AGBL5: variants seen among roughly 807,000 people sequenced by gnomAD.
The protein encoded by AGBL5 is cytosolic carboxypeptidase-like protein 5.
In AGBL5, 51 loss-of-function variants were observed where a neutral mutation model predicts 88.0. The observed-to-expected ratio is 0.58, with a 90% CI of 0.46 to 0.73. AGBL5 has a LOEUF of 0.73. Ranked by LOEUF, AGBL5 falls within the 30% of genes least tolerant of loss-of-function variation. The pLI is 0.00. For synonymous variants in AGBL5, 446 were observed against 438.8 expected (o/e 1.02, Z -0.21); for missense variants, 1,031 against 1,162.2 (o/e 0.89, Z 1.64).
intron 11 of AGBL5, 21 bp from the exon 12 acceptor site, chr2:27,067,473 G>A (rs1416413370): frequency 1.2e-6 from 2 of 1,611,074 alleles, no homozygotes; most frequent in South Asian, 1.1e-5. Context: ...CCTTTTATCT[G>A]CTTGTATCTC....
intron 9 of AGBL5, among the ~76,000 whole-genome samples, chr2:27,058,012 G>A (rs1668524722): frequency 6.6e-6 from 1 of 151,124 alleles, no homozygotes; most frequent in Non-Finnish European, 1.5e-5. Flanking sequence ...GGAGGCAGAG[G>A]TTGCAGTCAG....
intron 5 of AGBL5, 63 bp downstream of exon 5, chr2:27,054,870 G>C (rs1029525773): frequency 6.4e-7 from 1 of 1,561,712 alleles, no homozygotes; most frequent in African/African-American, 1.4e-5. Context: ...ACTGTTTATA[G>C]CTAAAGACTA....
intron 11 of AGBL5, among the ~76,000 whole-genome samples, chr2:27,066,563 C>A (rs1174542295): frequency 6.6e-6 from 1 of 152,076 alleles, no homozygotes; most frequent in Non-Finnish European, 1.5e-5. Context: ...ATTTAAGGGG[C>A]AGGAAGAACA....
upstream of AGBL5, among the ~76,000 whole-genome samples, chr2:27,050,787 G>C (rs900538714): frequency 1.2e-4 from 19 of 152,226 alleles, no homozygotes; most frequent in African/African-American, 4.1e-4. Flanking sequence ...CGGAGCCTTC[G>C]ATAGCTCAGT....
chr2:27,053,270 A>G lies in AGBL5; in HGVS notation c.215+97A>G. On this transcript the variant is annotated intron_variant, in intron 2 of 14. Transcript: ENST00000360131. The surrounding 1 kb of genome is among the most constrained non-coding windows in gnomAD (Gnocchi z 4.9). ...TTCATACCCAGCATACTCCCTGTCC[A>G]TTTCTGACCCATCGTCCCTCCTTTC... 6.6e-7 allele frequency: 1 copy of G among 1,520,254 alleles called. No homozygotes were observed. The highest frequency in any genetic ancestry group is 2.3e-5 in the East Asian group (1 of 44,094). 94.2% of individuals were successfully genotyped at this position (1,520,254 alleles called of 1,614,324 possible).
chr2:27,067,898 G>C, intron 12 of AGBL5: 1 of 543,976 alleles, frequency 1.8e-6, no homozygotes, highest in South Asian at 2.0e-5. Flanking sequence ...TTTATCAGTT[G>C]AGGAACCTGA....
At chr2:27,057,592 A>G (rs7560144) in intron 9 of AGBL5, among the ~76,000 whole-genome samples, 154 bp downstream of exon 9, 81,952 of 152,100 alleles carry the variant, frequency 0.54, 23,386 homozygotes, top group East Asian at 0.77. Flanking sequence ...ACAGGAGCAT[A>G]ACTACAACTG....
rs1669055103 is a variant in AGBL5 at position 27,067,582 on chromosome 2, TTCTGGCCCAGC to T, written c.2179_2189del (p.Ser727LeufsTer12). Reference sequence around the variant, plus strand: ...TCGCTCCATCCCCAGCTCCTACTAGTTCTGGCCCAGCCTCCTCACACAAGCTGGGCTCCTGT... The same window carrying T: ...TCGCTCCATCCCCAGCTCCTACTAGTCTCCTCACACAAGCTGGGCTCCTGT... On this transcript the variant is annotated frameshift_variant, in exon 12 of 15. Coordinates refer to ENST00000360131, the MANE Select transcript of AGBL5 (RefSeq NM_021831.6). LOFTEE classifies it high-confidence loss of function. 1.2e-6 allele frequency: 2 copies of T among 1,613,926 alleles called. No individual in the cohort carries two copies. The highest frequency in any genetic ancestry group is 2.7e-5 in the African/African-American group (2 of 74,906).
intron 13 of AGBL5, 68 bp from the exon 14 acceptor site, chr2:27,069,505 A>G: frequency 7.6e-6 from 12 of 1,583,132 alleles, no homozygotes; most frequent in Non-Finnish European, 1.0e-5. Context: ...TGGAAACTCT[A>G]GAAGCAAACT....
intron 14 of AGBL5, 160 bp from the exon 15 acceptor site, chr2:27,069,932 C>T (rs1044951416): frequency 5.1e-6 from 5 of 985,342 alleles, no homozygotes; most frequent in African/African-American, 3.5e-5. Flanking sequence ...GGTCTAGGAG[C>T]TGGCTGGTTC....
chr2:27,058,625 G>A (rs763055325), intron 10 of AGBL5, 23 bp downstream of exon 10: 1 of 1,612,154 alleles, frequency 6.2e-7, no homozygotes, highest in Non-Finnish European at 8.5e-7. Flanking sequence ...AAATAGGAGG[G>A]AGAAAGGGTA....
intron 8 of AGBL5, 90 bp from the exon 9 acceptor site, chr2:27,057,205 TCCAAGTGA>T: frequency 7.4e-7 from 1 of 1,353,512 alleles, no homozygotes; most frequent in Non-Finnish European, 1.0e-6. Flanking sequence ...TTCACTTTTT[TCCAAGTGA>T]TTGCCTCCTT....
At position 27,053,767 on chromosome 2, in the gene AGBL5, T is replaced by C. The variant is rs967833180; in HGVS notation, c.388-129T>C. 17 of 1,418,430 alleles carry C rather than the reference T, an allele frequency of 1.2e-5. No individual in the cohort carries two copies. The East Asian group carries it at 2.3e-4, about 19-fold the overall frequency. 87.9% of individuals were successfully genotyped at this position (1,418,430 alleles called of 1,614,324 possible). On this transcript the variant is annotated intron_variant, in intron 3 of 14. Coordinates refer to ENST00000360131, the MANE Select transcript of AGBL5 (RefSeq NM_021831.6). This position sits in a 1 kb window ranked among gnomAD's most constrained non-coding sequence, Gnocchi z 4.9. ...AGCCTAGAAGGAGCCACTTTTCATA[T>C]AGAAAGTGTCACAGGGAGGGAAGTT...
chr2:27,051,292 C>CT (rs541930365), upstream of AGBL5: 181 of 152,366 alleles, frequency 1.2e-3, 1 homozygote, highest in African/African-American at 3.9e-3. Flanking sequence ...CTCCACTCAG[C>CT]TTTTGCGTCC....
rs759693030 is a variant in AGBL5 at position 27,053,560 on chromosome 2, G to A, written c.374G>A (p.Arg125Gln). 1.9e-5 allele frequency: 30 copies of A among 1,612,620 alleles called. No homozygotes were observed. Among genetic ancestry groups the A allele is most frequent in the Admixed American group, 1.2e-4 (7 of 59,742 alleles). Reference sequence around the variant, plus strand: ...CCACGCTGGGAACGCATTCGAGACCGGCCCACCTTTGAGGTAAGTTCTCCA... The same window carrying A: ...CCACGCTGGGAACGCATTCGAGACCAGCCCACCTTTGAGGTAAGTTCTCCA... ...TRPRWERIRD[R>Q]PTFEMTETQF... Residue 125 changes from arginine to glutamine, a missense_variant, in exon 3 of 15, where the codon CGG becomes CAG. By Grantham distance (43) the Arg-to-Gln change is conservative. Transcript: ENST00000360131. This position sits in a 1 kb window ranked among gnomAD's most constrained non-coding sequence, Gnocchi z 4.9.
chr2:27,069,423 G>GC, intron 13 of AGBL5, 150 bp from the exon 14 acceptor site: 1 of 1,511,846 alleles, frequency 6.6e-7, no homozygotes, highest in South Asian at 1.3e-5. Flanking sequence ...CTATTATCTT[G>GC]CCTCACCCTC....
chr2:27,069,998 C>T lies in AGBL5; in HGVS notation c.2490-94C>T, dbSNP rs572942488. On this transcript the variant is annotated intron_variant, in intron 14 of 14. Transcript: ENST00000360131. The stretch of plus-strand genomic sequence containing the variant: ...TGCCCATCCTTACCCATCTTCATCT[C>T]GCTCCACTTCTTTCACTTCCCAGCC... The T allele has an allele frequency of 4.8e-4, 743 of 1,533,172 alleles. 3 individuals are homozygous for T. The African/African-American group carries it at 9.0e-3, about 19-fold the overall frequency. The allele number at this position is 1,533,172 out of a possible 1,614,324, so 95.0% of individuals were successfully genotyped here. A position where few individuals can be genotyped will look rare whatever the true frequency, so the allele number is the denominator to read the frequency against.
intron 6 of AGBL5, 101 bp downstream of exon 6, chr2:27,055,354 C>A: frequency 7.0e-7 from 1 of 1,429,568 alleles, no homozygotes; most frequent in Non-Finnish European, 9.6e-7. Context: ...GTTCCCAGTC[C>A]TCTTGCACCC....
chr2:27,067,716 C>T (rs760820689), intron 12 of AGBL5, 70 bp downstream of exon 12: 24 of 1,579,746 alleles, frequency 1.5e-5, no homozygotes, highest in Non-Finnish European at 1.6e-5. Context: ...TTCTTTAAGC[C>T]TAGTTGGGAG....
Sources: gnomAD v4.1 joint callset for allele counts (sites outside exome capture counted in the v4.1 genomes callset) on GRCh38, gnomAD v4.1.1 for gene constraint, Gnocchi (gnomAD v3.1) non-coding constraint, MANE v1.5 for transcripts, NCBI Gene and HGNC (gene_info 2026-07-23, HGNC 2026-07-21) for gene names.